Variants in BMPER observed in about 807,000 individuals in gnomAD.
The protein encoded by BMPER is BMP binding endothelial regulator.
In BMPER, 45 loss-of-function variants were observed where a neutral mutation model predicts 87.3. The observed-to-expected ratio is 0.52, with a 90% CI of 0.41 to 0.66. The LOEUF (loss-of-function observed/expected upper bound fraction) is 0.66. BMPER is among the 30% of genes least tolerant of loss of function. The pLI is 0.00. For missense variants in BMPER, 784 were observed against 867.5 expected, an observed-to-expected ratio of 0.90 and a Z score of 1.21; for synonymous variants, 326 against 316.2, an observed-to-expected ratio of 1.03 and a Z score of -0.33.
chr7:33,997,054 C>T (rs1786434858), intron 6 of BMPER, among the ~76,000 whole-genome samples: 1 of 152,082 alleles, frequency 6.6e-6, no homozygotes. Context: ...CAGGACCCTC[C>T]CTCCTCCCTC....
rs76309338 is a variant in BMPER, at chr7:33,959,781, T to C, written c.320-6698T>C. ...ATGTATTGTATTACCTTATGGTCAATGGCAGATACTGTATCTATTATGATA... is the reference window on the plus strand; with the variant it reads ...ATGTATTGTATTACCTTATGGTCAACGGCAGATACTGTATCTATTATGATA... On this transcript the variant is annotated intron_variant, in intron 3 of 14. Transcript: ENST00000649409. Among the ~76,000 whole-genome samples, 1,137 of 152,366 alleles carry C rather than the reference T, an allele frequency of 7.5e-3. 11 individuals are homozygous for C. The highest frequency in any genetic ancestry group is 0.026 in the African/African-American group (1,079 of 41,588).
intron 6 of BMPER, among the ~76,000 whole-genome samples, chr7:33,995,264 T>C (rs1786373759): frequency 1.3e-5 from 2 of 152,184 alleles, no homozygotes; most frequent in Admixed American, 6.5e-5. Flanking sequence ...GTACCTCATA[T>C]GTATCTAGGA....
chr7:34,144,462 T>G (rs1790966937), intron 14 of BMPER, among the ~76,000 whole-genome samples: 1 of 149,700 alleles, frequency 6.7e-6, no homozygotes, highest in Non-Finnish European at 1.5e-5. Flanking sequence ...AGAGAATAAA[T>G]TGGAAGGGGA....
intron 2 of BMPER, among the ~76,000 whole-genome samples, chr7:33,931,909 C>T (rs923007728): frequency 2.6e-5 from 4 of 152,012 alleles, no homozygotes; most frequent in African/African-American, 4.8e-5. Flanking sequence ...AGATCTCTTT[C>T]GTGCTTCTCA....
At chr7:33,932,944 G>C (rs1470061888) in intron 2 of BMPER, among the ~76,000 whole-genome samples, 3 of 152,126 alleles carry the variant, frequency 2.0e-5, no homozygotes, top group Non-Finnish European at 4.4e-5. Flanking sequence ...TCCGCCCTAC[G>C]CTCATGGGAG....
chr7:34,153,294 ACT>A lies in BMPER; in HGVS notation c.*24_*25del, dbSNP rs774989431. 6.2e-7 allele frequency: 1 copy of A among 1,613,176 alleles called. No individual in the cohort carries two copies. The highest frequency in any genetic ancestry group is 2.2e-5 in the East Asian group (1 of 44,860). On this transcript the variant is annotated 3_prime_UTR_variant, in exon 15 of 15. Transcript: ENST00000649409. ...GGTGACCTTTGTTTCGATCCTTAAG[ACT>A]CTGAAATCTGGTGACTTTGACACTG...
chr7:33,965,273 T>A (rs1165146218), intron 3 of BMPER, among the ~76,000 whole-genome samples: 1 of 152,242 alleles, frequency 6.6e-6, no homozygotes, highest in Admixed American at 6.5e-5. Flanking sequence ...AGAGTATTAC[T>A]GAGCCCTTTT....
At chr7:34,040,449 G>A (rs902541739) in intron 6 of BMPER, among the ~76,000 whole-genome samples, 1 of 152,134 alleles carries the variant, frequency 6.6e-6, no homozygotes, top group African/African-American at 2.4e-5. Flanking sequence ...AGTGACGACT[G>A]AGACATAGTT....
chr7:34,075,119 T>C (rs1184562562), intron 11 of BMPER, among the ~76,000 whole-genome samples: 3 of 152,304 alleles, frequency 2.0e-5, no homozygotes, highest in African/African-American at 7.2e-5. Context: ...AGAATAAATA[T>C]ATCCATGACA....
In BMPER at chr7:33,974,756, G is replaced by A; in HGVS notation, c.548G>A (p.Gly183Glu). ...YQEGEEFQPE[G>E]SKCTKCSCTG... ...GAAGGGGAGGAATTTCAGCCAGAAG[G>A]AAGCAAATGTACCAAGTGTTCCTGC... Residue 183 changes from glycine (G) to glutamate (E), a missense_variant, in exon 6 of 15, where the codon GGA (glycine) becomes GAA (glutamate). Coordinates refer to ENST00000649409, the MANE Select transcript of BMPER (RefSeq NM_001365308.1). 2 of 1,614,096 alleles carry A rather than the reference G, an allele frequency of 1.2e-6. No homozygotes were observed. Among genetic ancestry groups the A allele is most frequent in the Admixed American group, 1.7e-5 (1 of 60,014 alleles).
chr7:33,906,734 A>G lies in BMPER; in HGVS notation c.134-84A>G, dbSNP rs1783827371. On this transcript the variant is annotated intron_variant, in intron 1 of 14. Transcript: ENST00000649409. ...CTGAAGTTTGGGTAGAGGTTTCAAAAAGGATTAGTGTAAAAATTTTAAATG... is the reference window on the plus strand; with the variant it reads ...CTGAAGTTTGGGTAGAGGTTTCAAAGAGGATTAGTGTAAAAATTTTAAATG... 3 of 1,255,152 alleles carry G rather than the reference A, an allele frequency of 2.4e-6. No individual in the cohort carries two copies. In the East Asian group the frequency reaches 7.2e-5, roughly 30 times the overall value. 77.8% of individuals were successfully genotyped at this position (1,255,152 alleles called of 1,614,324 possible). A position where few individuals can be genotyped will look rare whatever the true frequency, so the allele number is the denominator to read the frequency against.
chr7:33,946,260 TC>T (rs1379963937), intron 3 of BMPER, among the ~76,000 whole-genome samples: 1 of 151,956 alleles, frequency 6.6e-6, no homozygotes, highest in Non-Finnish European at 1.5e-5. Context: ...TTCAATTACT[TC>T]CCACTGGGTC....
intron 13 of BMPER, among the ~76,000 whole-genome samples, chr7:34,103,733 T>C (rs1038449654): frequency 6.6e-6 from 1 of 152,114 alleles, no homozygotes; most frequent in Non-Finnish European, 1.5e-5. Flanking sequence ...AATACAAGGG[T>C]AGCATCAGGG....
chr7:33,970,862 A>T (rs534113514), intron 5 of BMPER, among the ~76,000 whole-genome samples: 1 of 152,148 alleles, frequency 6.6e-6, no homozygotes, highest in East Asian at 1.9e-4. Context: ...TCAGTTTTCC[A>T]TGTGGTTCAA....
Position 34,154,889 on chromosome 7 carries a change from C to T in BMPER, c.*1616C>T, listed in dbSNP as rs1209944108. On this transcript the variant is annotated 3_prime_UTR_variant, in exon 15 of 15. Coordinates refer to ENST00000649409, the MANE Select transcript of BMPER (RefSeq NM_001365308.1). ...ATACTAATCACCCTCGTATCTGCAG[C>T]CTGAGGTAGTCAGGTCATTGTTTCA... 6.6e-6 allele frequency: 1 copy of T among 151,914 alleles called. No individual in the cohort carries two copies. The highest frequency in any genetic ancestry group is 1.5e-5 in the Non-Finnish European group (1 of 68,010). The allele number at this position is 151,914 out of a possible 1,614,324, so 9.4% of individuals were successfully genotyped here. A position where few individuals can be genotyped will look rare whatever the true frequency, so the allele number is the denominator to read the frequency against.
At chr7:33,980,550 T>C (rs533322704) in intron 6 of BMPER, among the ~76,000 whole-genome samples, 13 of 152,322 alleles carry the variant, frequency 8.5e-5, no homozygotes, top group African/African-American at 2.9e-4. Flanking sequence ...CTGTCTTCAA[T>C]GTTGTGAGAC....
chr7:34,142,990 A>G (rs2127994626), intron 13 of BMPER, among the ~76,000 whole-genome samples: 1 of 152,344 alleles, frequency 6.6e-6, no homozygotes, highest in South Asian at 2.1e-4. Flanking sequence ...GTCTATCCTT[A>G]CAGCAAGTTC....
intron 6 of BMPER, among the ~76,000 whole-genome samples, chr7:33,990,491 C>A (rs978326613): frequency 6.8e-6 from 1 of 146,692 alleles, no homozygotes; most frequent in African/African-American, 2.5e-5. Flanking sequence ...GCTGAAGTTG[C>A]TTATCAGCTT....
intron 5 of BMPER, among the ~76,000 whole-genome samples, chr7:33,972,262 A>C (rs898779980): frequency 1.3e-5 from 2 of 152,100 alleles, no homozygotes; most frequent in Non-Finnish European, 2.9e-5. Flanking sequence ...TAACCATGGG[A>C]TCTGTCATGG....
Sources: gnomAD v4.1 joint callset for allele counts (sites outside exome capture counted in the v4.1 genomes callset) on GRCh38, gnomAD v4.1.1 for gene constraint, MANE v1.5 for transcripts, NCBI Gene and HGNC (gene_info 2026-07-23, HGNC 2026-07-21) for gene names.